AGBL1: variants seen among roughly 807,000 people sequenced by gnomAD.
The protein encoded by AGBL1 is cytosolic carboxypeptidase 4.
A neutral mutation model predicts 118.9 loss-of-function variants in AGBL1; 130 were observed. The observed-to-expected ratio is 1.09, with a 90% CI of 0.95 to 1.26. AGBL1 has a LOEUF of 1.26. Among genes scored for constraint, AGBL1 ranks in the 50% most tolerant of loss-of-function variants. The pLI is 0.00. For synonymous variants in AGBL1, 555 were observed against 478.9 expected (o/e 1.16, Z -2.08); for missense variants, 1,584 against 1,298.1 (o/e 1.22, Z -3.38).
intron 19 of AGBL1, among the ~76,000 whole-genome samples, chr15:86,523,374 G>A (rs988758097): frequency 7.2e-5 from 11 of 152,136 alleles, no homozygotes; most frequent in Non-Finnish European, 1.5e-4. Flanking sequence ...AAGGACATTA[G>A]TCATTGTATT....
chr15:86,703,630 G>A (rs1224332199), intron 22 of AGBL1, among the ~76,000 whole-genome samples: 1 of 152,056 alleles, frequency 6.6e-6, no homozygotes, highest in African/African-American at 2.4e-5. Flanking sequence ...CTGGTGGGAG[G>A]TAACTGAATC....
intron 22 of AGBL1, among the ~76,000 whole-genome samples, chr15:86,797,649 CAG>C (rs994783560): frequency 2.0e-5 from 3 of 151,496 alleles, no homozygotes; most frequent in Non-Finnish European, 4.4e-5. Context: ...GGAAGAATGA[CAG>C]AGTGTCTGCA....
chr15:86,545,681 T>A (rs1266694832), intron 19 of AGBL1, among the ~76,000 whole-genome samples: 1 of 152,156 alleles, frequency 6.6e-6, no homozygotes, highest in Non-Finnish European at 1.5e-5. Context: ...CTTTTCCAGC[T>A]TTGCCCATTC....
At chr15:86,999,774 C>T (rs369757517) in intron 24 of AGBL1, among the ~76,000 whole-genome samples, 1 of 145,106 alleles carries the variant, frequency 6.9e-6, no homozygotes, top group African/African-American at 2.6e-5. Flanking sequence ...ATGGTATTTC[C>T]AGTTCTAGAT....
chr15:86,524,990 AC>A (rs1318280251), intron 19 of AGBL1, among the ~76,000 whole-genome samples: 7 of 152,156 alleles, frequency 4.6e-5, no homozygotes, highest in African/African-American at 1.7e-4. Flanking sequence ...ATGATCATAT[AC>A]CTAGGAAACC....
chr15:86,360,595 A>G (rs76669589), intron 17 of AGBL1, among the ~76,000 whole-genome samples: 5,403 of 151,908 alleles, frequency 0.036, 321 homozygotes, highest in African/African-American at 0.12. Context: ...CTTTTTTGGC[A>G]GAGTTTAAGA....
intron 23 of AGBL1, among the ~76,000 whole-genome samples, chr15:86,966,194 TAAAAC>T (rs1181660648): frequency 6.7e-6 from 1 of 150,158 alleles, no homozygotes; most frequent in Non-Finnish European, 1.5e-5. Context: ...TTTTTTAATA[TAAAAC>T]AAAACAAAAC....
At chr15:86,741,218 C>T (rs753362064) in intron 22 of AGBL1, among the ~76,000 whole-genome samples, 45 of 151,422 alleles carry the variant, frequency 3.0e-4, no homozygotes, top group Non-Finnish European at 5.3e-4. Flanking sequence ...CCAAGGGCTA[C>T]AGGCAGGACT....
At chr15:86,532,652 A>C (rs1179010263) in intron 19 of AGBL1, among the ~76,000 whole-genome samples, 2 of 151,258 alleles carry the variant, frequency 1.3e-5, no homozygotes, top group East Asian at 1.9e-4. Context: ...CGCATCGCCA[A>C]GTCAATCCTA....
At chr15:86,721,827 T>C (rs1256202428) in intron 22 of AGBL1, among the ~76,000 whole-genome samples, 1 of 152,202 alleles carries the variant, frequency 6.6e-6, no homozygotes, top group Non-Finnish European at 1.5e-5. Context: ...ACAAAATCAA[T>C]GTACAAAAAT....
intron 21 of AGBL1, among the ~76,000 whole-genome samples, chr15:86,621,780 T>G (rs570521048): frequency 6.6e-6 from 1 of 152,354 alleles, no homozygotes; most frequent in Non-Finnish European, 1.5e-5. Context: ...AGAATGGTTG[T>G]TGAGAGAAAT....
intron 18 of AGBL1, among the ~76,000 whole-genome samples, chr15:86,419,138 G>C (rs750821071): frequency 1.3e-5 from 2 of 151,832 alleles, no homozygotes; most frequent in Non-Finnish European, 2.9e-5. Flanking sequence ...GCTTTCAGGG[G>C]TTAAACGGCA....
At chr15:86,399,360 G>C (rs567073970) in intron 18 of AGBL1, among the ~76,000 whole-genome samples, 111 of 152,214 alleles carry the variant, frequency 7.3e-4, no homozygotes, top group South Asian at 1.7e-3. Flanking sequence ...GTTATGCAAG[G>C]CATCTTGAGG....
At chr15:86,956,228 G>GATAGATAGA (rs2080929344) in intron 23 of AGBL1, among the ~76,000 whole-genome samples, 1 of 149,558 alleles carries the variant, frequency 6.7e-6, no homozygotes, top group Non-Finnish European at 1.5e-5. Flanking sequence ...TAGATAGATA[G>GATAGATAGA]ATAGATAGAT....
At chr15:86,798,498 T>C (rs920795156) in intron 22 of AGBL1, among the ~76,000 whole-genome samples, 2 of 152,082 alleles carry the variant, frequency 1.3e-5, no homozygotes, top group Non-Finnish European at 2.9e-5. Flanking sequence ...AAGACTCTGC[T>C]TTCCTTTGTT....
chr15:86,125,354 A>G (rs1203619064), intron 1 of AGBL1, among the ~76,000 whole-genome samples: 2 of 151,674 alleles, frequency 1.3e-5, no homozygotes, highest in Non-Finnish European at 1.5e-5. Context: ...TTTCTCTCAT[A>G]CCTCTCTCTC....
At position 86,554,424 on chromosome 15, in the gene AGBL1, G is replaced by A. The variant is rs751953472; in HGVS notation, c.2881G>A (p.Val961Met). The A allele has an allele frequency of 5.0e-5, 79 of 1,588,024 alleles. No individual in the cohort carries two copies. Among genetic ancestry groups the A allele is most frequent in the Non-Finnish European group, 5.5e-5 (64 of 1,166,986 alleles). ...AFTMSSCSFL[V>M]EKSRASTARV... Reference sequence around the variant, plus strand: ...CACAATGAGCAGCTGCAGCTTTCTCGTGGAGAAATCTCGAGCTTCCACGGC... The same window carrying A: ...CACAATGAGCAGCTGCAGCTTTCTCATGGAGAAATCTCGAGCTTCCACGGC... Residue 961 changes from valine to methionine, a missense_variant, in exon 21 of 23, where the codon GTG (valine) becomes ATG (methionine). Physicochemically the swap from Val to Met is conservative, Grantham distance 21. Coordinates refer to ENST00000614907, the MANE Select transcript of AGBL1 (RefSeq NM_001386094.1).
intron 19 of AGBL1, among the ~76,000 whole-genome samples, chr15:86,525,112 C>A (rs1307862438): frequency 6.6e-6 from 1 of 151,682 alleles, no homozygotes; most frequent in African/African-American, 2.4e-5. Context: ...CAATAACAAC[C>A]AGCTGAGAAT....
intron 21 of AGBL1, among the ~76,000 whole-genome samples, chr15:86,649,245 G>A (rs1722921786): frequency 6.6e-6 from 1 of 152,174 alleles, no homozygotes; most frequent in Non-Finnish European, 1.5e-5. Flanking sequence ...TCTGGAAGGG[G>A]TAGAAGAGGT....
Sources: gnomAD v4.1 joint callset for allele counts (sites outside exome capture counted in the v4.1 genomes callset) on GRCh38, gnomAD v4.1.1 for gene constraint, MANE v1.5 for transcripts, NCBI Gene and HGNC (gene_info 2026-07-23, HGNC 2026-07-21) for gene names.